The following GRM3 variants were observed in gnomAD, a reference collection of about 807,000 sequenced individuals.
The protein encoded by GRM3 is glutamate metabotropic receptor 3.
In GRM3, 26 loss-of-function variants were observed where a neutral mutation model predicts 70.5. The observed-to-expected ratio is 0.37, with a 90% confidence interval of 0.27 to 0.51. The LOEUF is 0.51. Among genes scored for constraint, GRM3 ranks in the 20% least tolerant of loss-of-function variants. The probability of loss-of-function intolerance (pLI) is 0.93; values close to 1 mark genes in which losing one functional copy is unlikely to be tolerated. For synonymous variants in GRM3, 443 were observed against 434.9 expected (o/e 1.02, Z -0.23); for missense variants, 859 against 1,123.8 (o/e 0.76, Z 3.37).
intron 1 of GRM3, among the ~76,000 whole-genome samples, chr7:86,651,548 G>A (rs1352885899): frequency 6.6e-6 from 1 of 152,148 alleles, no homozygotes; most frequent in East Asian, 1.9e-4. Flanking sequence ...TATCTAGAGA[G>A]TATAATTAAC....
At chr7:86,697,948 G>A (rs1327037337) in intron 1 of GRM3, among the ~76,000 whole-genome samples, 1 of 151,840 alleles carries the variant, frequency 6.6e-6, no homozygotes, top group Non-Finnish European at 1.5e-5. Context: ...AATCCTATGG[G>A]GTAATATTTT....
chr7:86,791,052 A>G (rs1201765480), intron 3 of GRM3, among the ~76,000 whole-genome samples: 2 of 152,324 alleles, frequency 1.3e-5, no homozygotes, highest in East Asian at 3.9e-4. Context: ...AATTTTGTTC[A>G]CAAATGCATC....
intron 1 of GRM3, among the ~76,000 whole-genome samples, chr7:86,732,320 A>G (rs1159444346): frequency 6.6e-6 from 1 of 152,204 alleles, no homozygotes; most frequent in East Asian, 1.9e-4. Context: ...GGCCTGTATT[A>G]TCAGGACTCA....
chr7:86,816,958 A>T (rs2116673254), intron 3 of GRM3, among the ~76,000 whole-genome samples: 1 of 152,108 alleles, frequency 6.6e-6, no homozygotes, highest in South Asian at 2.1e-4. Context: ...AGAAAAAGGC[A>T]CAGAACAGAA....
chr7:86,833,419 A>G (rs866746879), intron 3 of GRM3, among the ~76,000 whole-genome samples: 1 of 112,502 alleles, frequency 8.9e-6, no homozygotes. Flanking sequence ...AATAATAAAG[A>G]AAAAAAAGAA....
At chr7:86,740,945 A>T (rs1795977044) in intron 1 of GRM3, among the ~76,000 whole-genome samples, 1 of 152,186 alleles carries the variant, frequency 6.6e-6, no homozygotes, top group South Asian at 2.1e-4. Context: ...TGTATGCATC[A>T]TGTCAAATTC....
intron 1 of GRM3, among the ~76,000 whole-genome samples, chr7:86,727,515 C>G (rs1795620016): frequency 6.6e-6 from 1 of 152,158 alleles, no homozygotes; most frequent in Admixed American, 6.6e-5. Context: ...TTTGTATTTA[C>G]CATATTTACT....
intron 4 of GRM3, among the ~76,000 whole-genome samples, chr7:86,841,483 G>T (rs150672002): frequency 6.6e-6 from 1 of 152,206 alleles, no homozygotes; most frequent in Non-Finnish European, 1.5e-5. Context: ...TTAATGTATT[G>T]TAATGCCCCA....
intron 5 of GRM3, among the ~76,000 whole-genome samples, chr7:86,857,871 T>C (rs866556748): frequency 2.0e-5 from 3 of 152,294 alleles, no homozygotes; most frequent in Middle Eastern, 3.4e-3. Flanking sequence ...CAATTATTTA[T>C]TGGGCATCCC....
chr7:86,845,553 C>A (rs1798639514), intron 4 of GRM3, among the ~76,000 whole-genome samples: 1 of 152,052 alleles, frequency 6.6e-6, no homozygotes, highest in African/African-American at 2.4e-5. Flanking sequence ...TTTTGAGTTC[C>A]TCCCCTCTCT....
chr7:86,707,261 C>A (rs1795081613), intron 1 of GRM3, among the ~76,000 whole-genome samples: 1 of 152,010 alleles, frequency 6.6e-6, no homozygotes, highest in African/African-American at 2.4e-5. Flanking sequence ...GTAATTTTAG[C>A]AAACTGATTT....
intron 3 of GRM3, among the ~76,000 whole-genome samples, chr7:86,798,746 G>A (rs980072015): frequency 3.9e-5 from 6 of 152,158 alleles, no homozygotes; most frequent in Non-Finnish European, 8.8e-5. Flanking sequence ...GGATTGATAT[G>A]GTTTGGCTGT....
intron 4 of GRM3, among the ~76,000 whole-genome samples, chr7:86,846,537 T>G (rs1162906754): frequency 6.6e-6 from 1 of 152,178 alleles, no homozygotes; most frequent in Non-Finnish European, 1.5e-5. Flanking sequence ...TACTAGTTAT[T>G]AGAATCAAGT....
chr7:86,770,684 T>G (rs1444954371), intron 2 of GRM3, among the ~76,000 whole-genome samples: 4 of 152,102 alleles, frequency 2.6e-5, no homozygotes, highest in African/African-American at 7.2e-5. Context: ...TCCTTTAAAT[T>G]CAAATGTTTT....
chr7:86,747,433 G>T (rs545094164), intron 1 of GRM3, among the ~76,000 whole-genome samples: 3 of 152,094 alleles, frequency 2.0e-5, no homozygotes, highest in South Asian at 4.2e-4. Flanking sequence ...TTATAAAAAG[G>T]TTGTTACATG....
chr7:86,757,657 A>G (rs1198548815), intron 1 of GRM3, among the ~76,000 whole-genome samples: 1 of 152,158 alleles, frequency 6.6e-6, no homozygotes, highest in Admixed American at 6.6e-5. Flanking sequence ...GCAGCTTAGA[A>G]TTCTATTAAA....
At chr7:86,785,685 ATTTTTTTTTTTTT>A (rs749456155) in intron 2 of GRM3, among the ~76,000 whole-genome samples, 24 of 65,194 alleles carry the variant, frequency 3.7e-4, no homozygotes, top group Non-Finnish European at 5.7e-4. Context: ...AATAGAATTG[ATTTTTTTTTTTTT>A]TTTTTTTTTT....
intron 1 of GRM3, among the ~76,000 whole-genome samples, chr7:86,729,594 G>A (rs549919044): frequency 2.2e-4 from 34 of 152,194 alleles, no homozygotes; most frequent in African/African-American, 5.8e-4. Context: ...TGTATTGGTT[G>A]TAATTTAAAG....
chr7:86,722,695 G>C (rs968538054), intron 1 of GRM3, among the ~76,000 whole-genome samples: 1 of 151,898 alleles, frequency 6.6e-6, no homozygotes, highest in Non-Finnish European at 1.5e-5. Context: ...CATTGCACCT[G>C]TACACCTATG....
Sources: gnomAD v4.1 joint callset for allele counts (sites outside exome capture counted in the v4.1 genomes callset) on GRCh38, gnomAD v4.1.1 for gene constraint, MANE v1.5 for transcripts, NCBI Gene and HGNC (gene_info 2026-07-23, HGNC 2026-07-21) for gene names.